Variants in PSME4 observed in about 807,000 individuals in gnomAD.
The protein encoded by PSME4 is proteasome activator complex subunit 4.
PSME4 carries 89 observed loss-of-function variants against 253.9 expected under a neutral mutation model. That is an observed-to-expected ratio of 0.35 (90% CI 0.30 to 0.42). The LOEUF is 0.42. Ranked by LOEUF, PSME4 falls within the 10% of genes least tolerant of loss-of-function variation. The pLI is 1.00. For synonymous variants in PSME4, 851 were observed against 759.2 expected (o/e 1.12, Z -1.99); for missense variants, 2,014 against 2,195.2 (o/e 0.92, Z 1.65).
At chr2:53,934,939 G>C (rs10199444) in intron 7 of PSME4, among the ~76,000 whole-genome samples, 19,020 of 152,116 alleles carry the variant, frequency 0.13, 2,046 homozygotes, top group African/African-American at 0.29. Flanking sequence ...TGAGGTCAGA[G>C]GCACATGGAC....
chr2:53,939,976 T>C lies in PSME4; in HGVS notation c.525A>G (p.Thr175=). Residue 175 remains threonine, a synonymous_variant, in exon 4 of 47, where the codon ACA becomes ACG. Coordinates refer to ENST00000404125, the MANE Select transcript of PSME4 (RefSeq NM_014614.3). ...FPNSVENILK[T]LVKSCRPYFP... Reference sequence around the variant, plus strand: ...CTTACGGTCGGCAGCTTTTCACGAGTGTTTTGAGAATATTTTCTACAGAAC... The same window carrying C: ...CTTACGGTCGGCAGCTTTTCACGAGCGTTTTGAGAATATTTTCTACAGAAC... 6.3e-7 allele frequency: 1 copy of C among 1,595,102 alleles called. No homozygotes were observed. The highest frequency in any genetic ancestry group is 8.6e-7 in the Non-Finnish European group (1 of 1,166,114).
intron 14 of PSME4, among the ~76,000 whole-genome samples, chr2:53,923,872 G>A (rs1417002874): frequency 3.7e-5 from 5 of 135,582 alleles, no homozygotes; most frequent in East Asian, 2.2e-4. Context: ...GCAGTGAGCC[G>A]AGATCGCGAC....
At position 53,901,427 on chromosome 2, in the gene PSME4, G is replaced by C; in HGVS notation, c.3208C>G (p.Pro1070Ala). Residue 1070 changes from proline to alanine, a missense_variant, in exon 28 of 47, where the codon CCA becomes GCA. Around this residue, in one of 4 missense-constraint regions of PSME4, gnomAD observed 989 missense variants for 1,021.1 expected, o/e 0.97. Coordinates refer to ENST00000404125, the MANE Select transcript of PSME4 (RefSeq NM_014614.3). ...TCATCAAACAATCTCACTATTGATG[G>C]CTTTTCCAGGGACATTGCTTGGCTA... ...GLSQAMSLEK[P>A]SIVRLFDDLA... The C allele has an allele frequency of 6.2e-7, 1 of 1,614,102 alleles. No homozygotes were observed. Among genetic ancestry groups the C allele is most frequent in the Non-Finnish European group, 8.5e-7 (1 of 1,179,976 alleles).
chr2:53,960,364 A>G (rs1670427432), intron 1 of PSME4, among the ~76,000 whole-genome samples: 2 of 146,990 alleles, frequency 1.4e-5, no homozygotes, highest in South Asian at 4.3e-4. Context: ...AGGCCGCTGT[A>G]CTCCAGCCTG....
At chr2:53,886,233 C>T (rs191935090) in intron 40 of PSME4, among the ~76,000 whole-genome samples, 3 of 152,032 alleles carry the variant, frequency 2.0e-5, no homozygotes, top group African/African-American at 7.2e-5. Flanking sequence ...CATATGGAGA[C>T]CCCTGTCTCT....
In PSME4 at chr2:53,910,100, T is replaced by A. The variant is rs896179578; in HGVS notation, c.2547A>T (p.Thr849=). 6.2e-7 allele frequency: 1 copy of A among 1,608,676 alleles called. No homozygotes were observed. Among genetic ancestry groups the A allele is most frequent in the Non-Finnish European group, 8.5e-7 (1 of 1,175,074 alleles). ...CATATTCAAGTCCAGTATACAACTT[T>A]GTCTCTTCCAAGGACACCATACTTG... The part of the protein sequence containing the change: ...LVPSMVSLEE[T]KLYTGLEYDL... Residue 849 remains threonine, a synonymous_variant, in exon 21 of 47, where the codon ACA becomes ACT. Transcript: ENST00000404125.
chr2:53,867,419 G>A (rs972373037), intron 44 of PSME4, among the ~76,000 whole-genome samples: 3 of 150,082 alleles, frequency 2.0e-5, no homozygotes, highest in East Asian at 2.0e-4. Flanking sequence ...AGAATCATTT[G>A]ACCAGGGAAG....
intron 10 of PSME4, among the ~76,000 whole-genome samples, chr2:53,930,309 T>C (rs1353078218): frequency 6.6e-6 from 1 of 152,082 alleles, no homozygotes; most frequent in Admixed American, 6.5e-5. Flanking sequence ...CAGCTGAAAA[T>C]AACAAAGCAA....
At chr2:53,893,049 T>A in intron 35 of PSME4, 89 bp from the exon 36 acceptor site, 1 of 1,253,744 alleles carries the variant, frequency 8.0e-7, no homozygotes, top group Non-Finnish European at 1.1e-6. Context: ...ATTACTAACG[T>A]GCTTAAAAGC....
rs752348430 is a variant in PSME4 at position 53,895,658 on chromosome 2, A to G, written c.3767T>C (p.Ile1256Thr). ...CTCCCATTCTTTTTTAGTTCTTGGT[A>G]TAGTTTTGCTGTCATAATGCAACCA... is the stretch of plus-strand genomic sequence containing the variant. ...NHWLHYDSKT[I>T]PRTKKEWESS... The change falls in exon 33 of 47, where the codon ATA (isoleucine) becomes ACA (threonine). Residue 1256 changes from isoleucine (I) to threonine (T), a missense_variant. Physicochemically the swap from Ile to Thr is moderately conservative, Grantham distance 89. Coordinates refer to ENST00000404125, the MANE Select transcript of PSME4 (RefSeq NM_014614.3). 1 of 1,613,610 alleles carries G rather than the reference A, an allele frequency of 6.2e-7. No homozygotes were observed. Among genetic ancestry groups the G allele is most frequent in the Non-Finnish European group, 8.5e-7 (1 of 1,179,780 alleles).
At chr2:53,884,388 T>C (rs1479503996) in intron 41 of PSME4, among the ~76,000 whole-genome samples, 1 of 152,164 alleles carries the variant, frequency 6.6e-6, no homozygotes, top group Admixed American at 6.5e-5. Flanking sequence ...TTTTTGTATT[T>C]TTAGTAGAGA....
In PSME4 at chr2:53,897,927, A is replaced by G. The variant is rs756716372; in HGVS notation, c.3549T>C (p.Leu1183=). ...TCTCAACAAAAAACCGTATGGCACG[A>G]AGAGGCAACACTCGGTCATCTCTCA... ...LLLRDDRVLP[L]RAIRFFVENL... The change falls in exon 31 of 47, where the codon CTT becomes CTC. Residue 1183 remains leucine, a synonymous_variant. Transcript: ENST00000404125. 1 of 1,613,370 alleles carries G rather than the reference A, an allele frequency of 6.2e-7. No homozygotes were observed. The highest frequency in any genetic ancestry group is 8.5e-7 in the Non-Finnish European group (1 of 1,179,268).
chr2:53,937,650 G>T, intron 4 of PSME4, 110 bp from the exon 5 acceptor site: 2 of 984,740 alleles, frequency 2.0e-6, no homozygotes, highest in Non-Finnish European at 3.1e-6. Flanking sequence ...ATATGTCATA[G>T]CATGTAACAC....
In PSME4 at chr2:53,936,238, T is replaced by C. The variant is rs146840327; in HGVS notation, c.760-77A>G. ...GTGTCATAGTCACACCCCTCCTCCA[T>C]TTGTTCTTTTTGGCAATCATTAGTG... On this transcript the variant is annotated intron_variant, in intron 6 of 46. Transcript: ENST00000404125. 7.6e-4 allele frequency: 1,200 copies of C among 1,571,734 alleles called. 13 individuals carry two copies. Among genetic ancestry groups the C allele is most frequent in the South Asian group, 4.8e-3 (407 of 85,114 alleles).
intron 3 of PSME4, among the ~76,000 whole-genome samples, chr2:53,940,309 T>C (rs1669333394): frequency 6.6e-6 from 1 of 152,134 alleles, no homozygotes; most frequent in South Asian, 2.1e-4. Context: ...ACACCATATT[T>C]ATCAACACAG....
intron 45 of PSME4, among the ~76,000 whole-genome samples, 157 bp from the exon 46 acceptor site, chr2:53,866,380 T>C (rs1181859745): frequency 2.0e-5 from 3 of 152,224 alleles, no homozygotes; most frequent in South Asian, 4.1e-4. Flanking sequence ...ACAAAGTGAA[T>C]GGTCTTTTGA....
At chr2:53,964,425 CTTT>C (rs34991936) in intron 1 of PSME4, among the ~76,000 whole-genome samples, 1 of 151,922 alleles carries the variant, frequency 6.6e-6, no homozygotes, top group South Asian at 2.1e-4. Context: ...AAATCAGTTC[CTTT>C]TTTTTCCCCT....
intron 27 of PSME4, among the ~76,000 whole-genome samples, chr2:53,903,268 T>C (rs1390791497): frequency 6.6e-6 from 1 of 152,194 alleles, no homozygotes. Flanking sequence ...AAATTAACTA[T>C]GTCATCATCT....
In PSME4 at chr2:53,901,455, C is replaced by A. The variant is rs780386637; in HGVS notation, c.3180G>T (p.Gly1060=). ...TTTCCAGGGACATTGCTTGGCTAAG[C>A]CCTGAAGAAACAATCGCTGGCCACG... ...VQTWPAIVSS[G]LSQAMSLEKP... Residue 1060 remains glycine (G), a synonymous_variant, in exon 28 of 47, where the codon GGG becomes GGT. Coordinates refer to ENST00000404125, the MANE Select transcript of PSME4 (RefSeq NM_014614.3). 2 of 1,614,012 alleles carry A rather than the reference C, an allele frequency of 1.2e-6. No homozygotes were observed. Among genetic ancestry groups the A allele is most frequent in the Non-Finnish European group, 8.5e-7 (1 of 1,179,960 alleles).
Sources: allele counts gnomAD v4.1 joint callset (sites outside exome capture counted in the v4.1 genomes callset), GRCh38; gene constraint gnomAD v4.1.1; regional missense constraint gnomAD v4.1.1; transcripts MANE v1.5; gene names NCBI Gene and HGNC (gene_info 2026-07-23, HGNC 2026-07-21).